NPAS3: variants seen among roughly 807,000 people sequenced by gnomAD.
NPAS3 encodes the protein neuronal PAS domain-containing protein 3.
Under a neutral mutation model 73.1 loss-of-function variants are expected in NPAS3, and 14 were observed. That is an observed-to-expected ratio of 0.19 (90% CI 0.13 to 0.30). The LOEUF (loss-of-function observed/expected upper bound fraction) is 0.30. NPAS3 is among the 10% of genes least tolerant of loss of function. NPAS3 has a pLI of 1.00. For missense variants in NPAS3, 1,096 were observed against 1,250.0 expected (o/e 0.88, Z 1.86); for synonymous variants, 620 against 541.5 (o/e 1.14, Z -2.01).
intron 1 of NPAS3, among the ~76,000 whole-genome samples, chr14:32,955,455 A>G (rs776623435): frequency 6.6e-6 from 1 of 151,780 alleles, no homozygotes; most frequent in Non-Finnish European, 1.5e-5. Context: ...AGAGGAGACA[A>G]GATAACATGG....
chr14:33,153,006 A>C (rs1270786161), intron 2 of NPAS3, among the ~76,000 whole-genome samples: 2 of 151,768 alleles, frequency 1.3e-5, no homozygotes, highest in Non-Finnish European at 2.9e-5. Flanking sequence ...AGATTGCCTC[A>C]GATTTTTACT....
chr14:33,625,726 A>C (rs2058200406), intron 5 of NPAS3, among the ~76,000 whole-genome samples: 1 of 152,206 alleles, frequency 6.6e-6, no homozygotes. Flanking sequence ...GTTCTTCACC[A>C]AAGGTAATGC....
At chr14:33,279,783 A>G (rs1253283659) in intron 3 of NPAS3, among the ~76,000 whole-genome samples, 1 of 152,178 alleles carries the variant, frequency 6.6e-6, no homozygotes, top group Non-Finnish European at 1.5e-5. Context: ...TCAGAATACA[A>G]AGTATTCTAC....
intron 2 of NPAS3, among the ~76,000 whole-genome samples, chr14:33,182,001 A>AT (rs146170185): frequency 0.03 from 4,556 of 152,042 alleles, 203 homozygotes; most frequent in East Asian, 0.22. Flanking sequence ...CATATATATG[A>AT]TTTTTTCTCC....
chr14:33,054,443 A>G (rs577909545), intron 1 of NPAS3, among the ~76,000 whole-genome samples: 1 of 152,298 alleles, frequency 6.6e-6, no homozygotes, highest in East Asian at 1.9e-4. Flanking sequence ...ATATAGTTTG[A>G]ATATAACACA....
At chr14:33,803,803 G>A (rs2063771578), downstream of NPAS3, 1 of 151,832 alleles carries the variant, frequency 6.6e-6, no homozygotes, top group Non-Finnish European at 1.5e-5. Context: ...TTTATGAGGA[G>A]ACTGGTGCCA....
intron 1 of NPAS3, among the ~76,000 whole-genome samples, chr14:32,957,668 G>A (rs1038533864): frequency 7.2e-5 from 11 of 152,006 alleles, no homozygotes; most frequent in African/African-American, 2.7e-4. Flanking sequence ...CACCGCACCC[G>A]GCCTAAGTAT....
chr14:33,802,283 C>T (rs1303289578), downstream of NPAS3: 2 of 143,070 alleles, frequency 1.4e-5, no homozygotes, highest in Admixed American at 1.5e-4. Context: ...CCCTTTGGTT[C>T]TTATTTCTGG....
intron 1 of NPAS3, among the ~76,000 whole-genome samples, chr14:32,944,430 C>T (rs72674122): frequency 0.3 from 46,295 of 151,986 alleles, 7,992 homozygotes; most frequent in Middle Eastern, 0.47. Flanking sequence ...ATTTTAAATG[C>T]TATCAAAATT....
At chr14:32,955,256 A>T (rs530749064) in intron 1 of NPAS3, among the ~76,000 whole-genome samples, 98 of 152,304 alleles carry the variant, frequency 6.4e-4, no homozygotes, top group African/African-American at 2.4e-3. Context: ...ATAACAATAT[A>T]TATAATTTAA....
chr14:33,611,342 G>GCC (rs1273670639), intron 5 of NPAS3, among the ~76,000 whole-genome samples: 2 of 152,210 alleles, frequency 1.3e-5, no homozygotes, highest in Non-Finnish European at 2.9e-5. Flanking sequence ...ACCATTCTGT[G>GCC]GTTGTGAGTT....
chr14:33,250,038 A>C (rs1205732304), intron 3 of NPAS3, among the ~76,000 whole-genome samples: 2 of 152,042 alleles, frequency 1.3e-5, no homozygotes, highest in Admixed American at 1.3e-4. Flanking sequence ...CACTTACTCC[A>C]AATTTCTGTG....
At chr14:33,400,556 T>G (rs2138741128) in intron 4 of NPAS3, among the ~76,000 whole-genome samples, 1 of 152,256 alleles carries the variant, frequency 6.6e-6, no homozygotes, top group South Asian at 2.1e-4. Flanking sequence ...TTCTGCCAGA[T>G]AAATTAATGG....
chr14:33,490,391 A>G (rs563699314), intron 4 of NPAS3, among the ~76,000 whole-genome samples: 5 of 151,954 alleles, frequency 3.3e-5, no homozygotes, highest in Admixed American at 2.0e-4. Flanking sequence ...TTTCTTTCTT[A>G]TCATTGCCTC....
chr14:33,660,195 G>C (rs1048479142), intron 5 of NPAS3, among the ~76,000 whole-genome samples: 29 of 152,150 alleles, frequency 1.9e-4, no homozygotes, highest in African/African-American at 7.0e-4. Flanking sequence ...AAATGGATGA[G>C]CTAAGAAAAC....
intron 2 of NPAS3, among the ~76,000 whole-genome samples, chr14:33,199,565 G>A (rs1478784605): frequency 1.3e-5 from 2 of 152,042 alleles, no homozygotes; most frequent in East Asian, 3.9e-4. Flanking sequence ...GTGTAGAAAG[G>A]GGAGGAGACT....
At chr14:33,456,984 G>A (rs1301714271) in intron 4 of NPAS3, among the ~76,000 whole-genome samples, 1 of 152,180 alleles carries the variant, frequency 6.6e-6, no homozygotes, top group Non-Finnish European at 1.5e-5. Context: ...ACATAATGAG[G>A]TCCAATGCAG....
At chr14:33,146,016 T>G (rs2139206518) in intron 2 of NPAS3, among the ~76,000 whole-genome samples, 1 of 151,302 alleles carries the variant, frequency 6.6e-6, no homozygotes, top group East Asian at 1.9e-4. Context: ...AAGTAAAGAG[T>G]CGCAGATGGT....
intron 3 of NPAS3, among the ~76,000 whole-genome samples, chr14:33,295,043 A>C (rs2042240403): frequency 6.6e-6 from 1 of 152,226 alleles, no homozygotes; most frequent in African/African-American, 2.4e-5. Flanking sequence ...TATAGAAAAA[A>C]TAGACTTTTA....
Sources: gnomAD v4.1 joint callset for allele counts (sites outside exome capture counted in the v4.1 genomes callset) on GRCh38, gnomAD v4.1.1 for gene constraint, MANE v1.5 for transcripts, NCBI Gene and HGNC (gene_info 2026-07-23, HGNC 2026-07-21) for gene names.